LSS: variants seen among roughly 807,000 people sequenced by gnomAD.
LSS encodes 2,3-epoxysqualene-lanosterol cyclase.
A neutral mutation model predicts 110.3 loss-of-function variants in LSS; 90 were observed. The ratio of observed to expected loss-of-function variants is 0.82; its 90% CI spans 0.69 to 0.97. The LOEUF is 0.97. Among genes scored for constraint, LSS ranks in the 50% least tolerant of loss-of-function variants. LSS has a pLI of 0.00. For synonymous variants in LSS, 433 were observed against 400.0 expected, an observed-to-expected ratio of 1.08 and a Z score of -0.98; for missense variants, 927 against 990.0, an observed-to-expected ratio of 0.94 and a Z score of 0.85.
At chr21:46,219,840 GC>G (rs1330997808) in intron 5 of LSS, among the ~76,000 whole-genome samples, 1 of 152,196 alleles carries the variant, frequency 6.6e-6, no homozygotes, top group Non-Finnish European at 1.5e-5. Context: ...GCAACCCCTG[GC>G]CCCAGGAAGG....
intron 9 of LSS, among the ~76,000 whole-genome samples, chr21:46,214,500 G>A (rs771816240): frequency 1.3e-5 from 2 of 152,312 alleles, no homozygotes; most frequent in Admixed American, 6.5e-5. Flanking sequence ...TGTCAGGGTG[G>A]GACTCAGTGG....
intron 13 of LSS, among the ~76,000 whole-genome samples, chr21:46,208,552 G>A (rs527528514): frequency 6.6e-6 from 1 of 152,302 alleles, no homozygotes; most frequent in South Asian, 2.1e-4. Flanking sequence ...ACGGGACTGG[G>A]AGTCAGCACC....
chr21:46,194,749 C>T (rs1358124483), intron 19 of LSS, 88 bp from the exon 20 acceptor site: 17 of 1,369,632 alleles, frequency 1.2e-5, no homozygotes, highest in Middle Eastern at 3.7e-4. Context: ...CCTTGGGGTA[C>T]GGGGAGGAGC....
intron 17 of LSS, among the ~76,000 whole-genome samples, chr21:46,203,249 T>C (rs1414405414): frequency 1.3e-5 from 2 of 152,226 alleles, no homozygotes; most frequent in East Asian, 3.9e-4. Context: ...AAGGTTAAAA[T>C]GGGGAAAAGC....
Position 46,205,891 on chromosome 21 carries a change from G to C in LSS, c.1615C>G (p.Gln539Glu). 1 of 1,611,468 alleles carries C rather than the reference G, an allele frequency of 6.2e-7. No homozygotes were observed. The highest frequency in any genetic ancestry group is 2.2e-5 in the East Asian group (1 of 44,842). The part of the protein sequence containing the change: ...TYVECTSAVM[Q>E]ALKYFHKRFP... ...CGCTTGTGGAAATACTTAAGCGCCT[G>C]CATCACGGCTGAGGTGCACTCCACA... The change falls in exon 17 of 22, where the codon CAG becomes GAG. Residue 539 changes from glutamine to glutamate, a missense_variant. Gln to Glu is a conservative substitution (Grantham distance 29). Transcript: ENST00000397728.
At chr21:46,218,769 A>G (rs1473639355) in intron 6 of LSS, among the ~76,000 whole-genome samples, 2 of 142,662 alleles carry the variant, frequency 1.4e-5, no homozygotes, top group African/African-American at 5.3e-5. Context: ...CTCCGTCGCC[A>G]GGCTGGAATA....
intron 17 of LSS, among the ~76,000 whole-genome samples, chr21:46,203,144 G>C (rs1237410243): frequency 6.6e-6 from 1 of 152,238 alleles, no homozygotes; most frequent in Non-Finnish European, 1.5e-5. Context: ...GAAGGGGCAG[G>C]GATGGGGGCT....
At chr21:46,199,264 A>G (rs966534704) in intron 17 of LSS, among the ~76,000 whole-genome samples, 3 of 152,252 alleles carry the variant, frequency 2.0e-5, no homozygotes, top group Non-Finnish European at 4.4e-5. Flanking sequence ...GCAAATAACT[A>G]TATGACAAGA....
Position 46,213,157 on chromosome 21 carries a change from C to T in LSS, c.1110-105G>A. The T allele has an allele frequency of 7.3e-6, 8 of 1,099,794 alleles. No individual in the cohort carries two copies. In the South Asian group the frequency reaches 7.8e-5, roughly 11 times the overall value. 68.1% of individuals were successfully genotyped at this position (1,099,794 alleles called of 1,614,324 possible). A position where few individuals can be genotyped will look rare whatever the true frequency, so the allele number is the denominator to read the frequency against. On this transcript the variant is annotated intron_variant, in intron 10 of 21. Coordinates refer to ENST00000397728, the MANE Select transcript of LSS (RefSeq NM_002340.6). The stretch of plus-strand genomic sequence containing the variant: ...GGGTCCCAGAGAGGCCGTCTGTCCC[C>T]TCCCGAGGCCTGGCACTGGCCTGGA...
intron 20 of LSS, chr21:46,192,483 G>A (rs1186591953): frequency 1.3e-5 from 6 of 455,338 alleles, no homozygotes; most frequent in South Asian, 3.1e-5. Context: ...AAACCTAATA[G>A]GGCAGCACAG....
rs2079810635 is a variant in LSS at position 46,191,245 on chromosome 21, C to T, written c.2068-10G>A. The T allele has an allele frequency of 1.2e-6, 2 of 1,613,930 alleles. No individual in the cohort carries two copies. Among genetic ancestry groups the T allele is most frequent in the Non-Finnish European group, 1.7e-6 (2 of 1,179,942 alleles). The stretch of plus-strand genomic sequence containing the variant: ...CCCCAGCAATGTTTTCCTAAAAGAA[C>T]ACAGAGAAATAAACACAAAGGCTTC... On this transcript the variant is annotated splice_polypyrimidine_tract_variant and intron_variant, in intron 21 of 21. Coordinates refer to ENST00000397728, the MANE Select transcript of LSS (RefSeq NM_002340.6).
chr21:46,225,646 G>A (rs1446909164), intron 3 of LSS, among the ~76,000 whole-genome samples: 2 of 152,176 alleles, frequency 1.3e-5, no homozygotes, highest in Non-Finnish European at 2.9e-5. Context: ...TTAGATAACA[G>A]TAGCAAAATT....
At chr21:46,195,556 C>G in intron 19 of LSS, 120 bp downstream of exon 19, 1 of 946,390 alleles carries the variant, frequency 1.1e-6, no homozygotes, top group East Asian at 2.5e-5. Context: ...AGCGAGACTC[C>G]GTCTCAAAAA....
Position 46,216,285 on chromosome 21 carries a change from A to T in LSS, c.783+104T>A. On this transcript the variant is annotated intron_variant, in intron 7 of 21. Coordinates refer to ENST00000397728, the MANE Select transcript of LSS (RefSeq NM_002340.6). This position sits in a 1 kb window ranked among gnomAD's most constrained non-coding sequence, Gnocchi z 4.2. Reference sequence around the variant, plus strand: ...TGCTCCACAGGGCTCTCCGCTCCACAGGGCCACCAGGTGAGTGGACAGGTG... The same window carrying T: ...TGCTCCACAGGGCTCTCCGCTCCACTGGGCCACCAGGTGAGTGGACAGGTG... 6.9e-7 allele frequency: 1 copy of T among 1,456,742 alleles called. No individual in the cohort carries two copies. The highest frequency in any genetic ancestry group is 9.5e-7 in the Non-Finnish European group (1 of 1,050,070). 90.2% of individuals were successfully genotyped at this position (1,456,742 alleles called of 1,614,324 possible). A position where few individuals can be genotyped will look rare whatever the true frequency, so the allele number is the denominator to read the frequency against.
chr21:46,215,139 C>G (rs1454657351), intron 9 of LSS, 41 bp downstream of exon 9: 1 of 1,553,904 alleles, frequency 6.4e-7, no homozygotes, highest in Admixed American at 1.7e-5. Context: ...CGGACCTCAA[C>G]CCCCAGGGGC....
chr21:46,203,744 C>T (rs2080009987), intron 17 of LSS, among the ~76,000 whole-genome samples: 1 of 152,198 alleles, frequency 6.6e-6, no homozygotes, highest in African/African-American at 2.4e-5. Flanking sequence ...CCTGCTCCAT[C>T]CACGGCTTCC....
At chr21:46,203,089 G>C (rs905805436) in intron 17 of LSS, among the ~76,000 whole-genome samples, 1 of 152,218 alleles carries the variant, frequency 6.6e-6, no homozygotes, top group Non-Finnish European at 1.5e-5. Context: ...GGCAGGGAGA[G>C]AGATGAGCAG....
At chr21:46,194,691 C>G (rs761751590) in intron 19 of LSS, 30 bp from the exon 20 acceptor site, 3 of 1,601,684 alleles carry the variant, frequency 1.9e-6, no homozygotes, top group Non-Finnish European at 2.5e-6. Flanking sequence ...GAGACACCAT[C>G]ACACCAAGGA....
chr21:46,211,095 G>A (rs1160999101), intron 11 of LSS, among the ~76,000 whole-genome samples: 3 of 152,080 alleles, frequency 2.0e-5, no homozygotes, highest in South Asian at 2.1e-4. Context: ...TGACAGTGGC[G>A]CACCTCAGTC....
Sources: allele counts gnomAD v4.1 joint callset (sites outside exome capture counted in the v4.1 genomes callset), GRCh38; gene constraint gnomAD v4.1.1; non-coding constraint Gnocchi (gnomAD v3.1); transcripts MANE v1.5; gene names NCBI Gene and HGNC (gene_info 2026-07-23, HGNC 2026-07-21).